Variants in SPECC1 observed in about 807,000 individuals in gnomAD.
SPECC1 encodes cytospin-B.
In SPECC1, 62 loss-of-function variants were observed where a neutral mutation model predicts 104.1. That is an observed-to-expected ratio of 0.60 (90% CI 0.49 to 0.74). SPECC1 has a LOEUF of 0.74. Ranked by LOEUF, SPECC1 falls within the 30% of genes least tolerant of loss-of-function variation. The pLI is 0.00. For missense variants in SPECC1, 1,306 were observed against 1,310.5 expected, an observed-to-expected ratio of 1.00 and a Z score of 0.05; for synonymous variants, 513 against 501.6, an observed-to-expected ratio of 1.02 and a Z score of -0.30.
At chr17:20,015,298 A>ATTT (rs772928670) in intron 1 of SPECC1, among the ~76,000 whole-genome samples, 2 of 141,888 alleles carry the variant, frequency 1.4e-5, no homozygotes, top group African/African-American at 5.2e-5. Context: ...TTTTAATTTA[A>ATTT]TTTTTTTTTT....
At chr17:20,210,159 G>A (rs575881464) in intron 4 of SPECC1, among the ~76,000 whole-genome samples, 1 of 152,320 alleles carries the variant, frequency 6.6e-6, no homozygotes, top group East Asian at 1.9e-4. Flanking sequence ...AGATGATCCT[G>A]TAGCTGTGAC....
chr17:20,199,953 C>T (rs548389611), intron 3 of SPECC1, among the ~76,000 whole-genome samples: 40 of 152,180 alleles, frequency 2.6e-4, no homozygotes, highest in African/African-American at 2.2e-4. Context: ...CACCACCGCC[C>T]GGCTAATTTT....
chr17:20,101,224 C>G (rs947734139), intron 2 of SPECC1, among the ~76,000 whole-genome samples: 13 of 152,120 alleles, frequency 8.5e-5, no homozygotes, highest in Non-Finnish European at 5.9e-5. Context: ...GGTTCTAGAT[C>G]CTTGAGGAAT....
chr17:20,224,942 T>A (rs2151446116), intron 4 of SPECC1, among the ~76,000 whole-genome samples: 1 of 152,288 alleles, frequency 6.6e-6, no homozygotes, highest in Non-Finnish European at 1.5e-5. Flanking sequence ...TGGCCCATGA[T>A]GAGTACTGTG....
chr17:20,069,179 G>A (rs1187679290), intron 1 of SPECC1, among the ~76,000 whole-genome samples: 1 of 152,182 alleles, frequency 6.6e-6, no homozygotes, highest in East Asian at 1.9e-4. Context: ...TTTAGCTCTC[G>A]CTAATAAGTG....
chr17:20,278,685 CAG>C (rs1390423400), intron 12 of SPECC1, among the ~76,000 whole-genome samples: 7 of 144,700 alleles, frequency 4.8e-5, no homozygotes, highest in African/African-American at 1.8e-4. Context: ...GCCTGGGTGA[CAG>C]AGTGAGACCC....
At position 20,061,522 on chromosome 17, in the gene SPECC1, C is replaced by T. The variant is rs545685123; in HGVS notation, c.-21-35109C>T. ...GGTAGAGGCCAGTCTGAGAGTGCAC[C>T]TGGTAGATCCTTAAAGATGCAACCT... On this transcript the variant is annotated intron_variant, in intron 1 of 14. Coordinates refer to ENST00000395527, the MANE Select transcript of SPECC1 (RefSeq NM_001243439.2). Among the ~76,000 whole-genome samples the T allele has an allele frequency of 2.0e-5, 3 of 152,280 alleles. No individual in the cohort carries two copies. In the South Asian group the frequency reaches 6.2e-4, roughly 32 times the overall value.
intron 1 of SPECC1, among the ~76,000 whole-genome samples, chr17:20,016,770 C>T (rs958969851): frequency 1.2e-4 from 19 of 152,352 alleles, no homozygotes; most frequent in Admixed American, 8.5e-4. Flanking sequence ...TGCTCCACGG[C>T]GCCCAGTCCC....
At chr17:20,300,546 C>T (rs1466786798) in intron 13 of SPECC1, among the ~76,000 whole-genome samples, 3 of 152,250 alleles carry the variant, frequency 2.0e-5, no homozygotes, top group African/African-American at 7.2e-5. Flanking sequence ...AGACTGGCTG[C>T]TTTGTCCTTG....
intron 6 of SPECC1, 123 bp from the exon 7 acceptor site, chr17:20,232,077 C>T: frequency 8.6e-7 from 1 of 1,157,452 alleles, no homozygotes; most frequent in Non-Finnish European, 1.3e-6. Flanking sequence ...ACCGTGTAAG[C>T]AGGGCCTCAC....
intron 2 of SPECC1, among the ~76,000 whole-genome samples, chr17:20,107,015 G>A (rs1597715888): frequency 6.6e-6 from 1 of 151,164 alleles, no homozygotes; most frequent in Non-Finnish European, 1.5e-5. Flanking sequence ...AAATCAGCCA[G>A]GTGTGGAGGC....
At chr17:20,249,432 T>TAAAAC (rs1205741895) in intron 9 of SPECC1, among the ~76,000 whole-genome samples, 1 of 151,218 alleles carries the variant, frequency 6.6e-6, no homozygotes. Flanking sequence ...TAAAATAAAA[T>TAAAAC]AAAACAAAAA....
At chr17:20,124,997 G>A (rs947795617) in intron 3 of SPECC1, among the ~76,000 whole-genome samples, 5 of 151,992 alleles carry the variant, frequency 3.3e-5, no homozygotes, top group African/African-American at 9.7e-5. Flanking sequence ...TGACTAACAC[G>A]GTAAAACCCC....
intron 4 of SPECC1, among the ~76,000 whole-genome samples, chr17:20,214,971 A>G (rs2037393682): frequency 6.6e-6 from 1 of 152,212 alleles, no homozygotes; most frequent in African/African-American, 2.4e-5. Flanking sequence ...GAGAGGAAAC[A>G]CAGAATGTGG....
At chr17:20,308,823 A>G (rs2041849315) in intron 14 of SPECC1, among the ~76,000 whole-genome samples, 3 of 152,212 alleles carry the variant, frequency 2.0e-5, no homozygotes, top group Admixed American at 2.0e-4. Context: ...CAACAAAACT[A>G]AGGAGTACCA....
chr17:20,221,871 TTTC>T lies in SPECC1; in HGVS notation c.1864-5536_1864-5534del, dbSNP rs538493188. 2.0e-3 allele frequency among the ~76,000 whole-genome samples: 301 copies of T among 152,318 alleles called. 3 individuals are homozygous for T. Among genetic ancestry groups the T allele is most frequent in the Middle Eastern group, 0.01 (3 of 294 alleles). ...CATTTGTTTTAAGACATTTTAATTT[TTTC>T]TTCTTAATTCCTTCATTGACCCACT... is the stretch of plus-strand genomic sequence containing the variant. On this transcript the variant is annotated intron_variant, in intron 4 of 14. Transcript: ENST00000395527.
intron 1 of SPECC1, among the ~76,000 whole-genome samples, chr17:20,076,687 G>T (rs1597656111): frequency 6.6e-6 from 1 of 152,160 alleles, no homozygotes; most frequent in Admixed American, 6.5e-5. Context: ...TATCTGTAGG[G>T]TAGATTTTCA....
intron 13 of SPECC1, among the ~76,000 whole-genome samples, chr17:20,300,951 C>T (rs1295790763): frequency 6.6e-6 from 1 of 152,162 alleles, no homozygotes; most frequent in Non-Finnish European, 1.5e-5. Context: ...TGTCCCAGAG[C>T]CTAGGATTTT....
At chr17:20,151,486 TGAG>T (rs368891948) in intron 3 of SPECC1, among the ~76,000 whole-genome samples, 166 of 152,332 alleles carry the variant, frequency 1.1e-3, no homozygotes, top group Non-Finnish European at 2.1e-3. Context: ...CATCATAAGT[TGAG>T]GAGTGTCTGT....
Sources: allele counts gnomAD v4.1 joint callset (sites outside exome capture counted in the v4.1 genomes callset), GRCh38; gene constraint gnomAD v4.1.1; transcripts MANE v1.5; gene names NCBI Gene and HGNC (gene_info 2026-07-23, HGNC 2026-07-21).